Variants in PLEKHA6 observed in about 807,000 individuals in gnomAD.
The protein encoded by PLEKHA6 is pleckstrin homology domain containing A6.
Under a neutral mutation model 116.7 loss-of-function variants are expected in PLEKHA6, and 60 were observed. The ratio of observed to expected loss-of-function variants is 0.51; its 90% CI spans 0.42 to 0.64. The LOEUF is 0.64. Ranked by LOEUF, PLEKHA6 falls within the 30% of genes least tolerant of loss-of-function variation. PLEKHA6 has a pLI of 0.00. For synonymous variants in PLEKHA6, 489 were observed against 556.1 expected, an observed-to-expected ratio of 0.88 and a Z score of 1.70; for missense variants, 1,338 against 1,422.7, an observed-to-expected ratio of 0.94 and a Z score of 0.96.
At chr1:204,245,480 G>T (rs1402050479) in intron 14 of PLEKHA6, 135 bp downstream of exon 14, 4 of 623,358 alleles carry the variant, frequency 6.4e-6, no homozygotes, top group Non-Finnish European at 1.1e-5. Context: ...CCCAGGGGAA[G>T]ATTCTGGTGT....
At chr1:204,367,597 T>G (rs1042603977) in intron 3 of PLEKHA6, among the ~76,000 whole-genome samples, 3 of 152,068 alleles carry the variant, frequency 2.0e-5, no homozygotes, top group Admixed American at 6.5e-5. Flanking sequence ...CACTGGTTAC[T>G]GCCCAGGCCA....
chr1:204,348,714 A>ACCCCCCCCCCCTCTCC (rs3038282), intron 1 of PLEKHA6, among the ~76,000 whole-genome samples: 4 of 136,638 alleles, frequency 2.9e-5, no homozygotes, highest in African/African-American at 2.9e-5. Context: ...CAGGTGCCAA[A>ACCCCCCCCCCCTCTCC]CCCCCCCCCC....
intron 1 of PLEKHA6, among the ~76,000 whole-genome samples, chr1:204,332,356 G>A (rs4077065): frequency 0.88 from 134,378 of 152,176 alleles, 59,768 homozygotes; most frequent in East Asian, 0.95. Context: ...AAGCCAGGCA[G>A]GCAGGCATCA....
At chr1:204,370,051 A>G (rs1474614127) in intron 2 of PLEKHA6, among the ~76,000 whole-genome samples, 2 of 152,220 alleles carry the variant, frequency 1.3e-5, no homozygotes, top group Non-Finnish European at 2.9e-5. Context: ...CCCCTAGTGC[A>G]AGAGCACACT....
At chr1:204,242,661 T>C (rs1318825007) in intron 15 of PLEKHA6, among the ~76,000 whole-genome samples, 2 of 152,200 alleles carry the variant, frequency 1.3e-5, no homozygotes, top group Non-Finnish European at 2.9e-5. Context: ...TGTATCCTTA[T>C]ACTACAGGGA....
chr1:204,256,120 C>A (rs548503934), intron 9 of PLEKHA6, among the ~76,000 whole-genome samples: 2 of 152,180 alleles, frequency 1.3e-5, no homozygotes, highest in Non-Finnish European at 2.9e-5. Flanking sequence ...AGCCGCCTAG[C>A]CTCCAGCCTG....
intron 1 of PLEKHA6, among the ~76,000 whole-genome samples, chr1:204,376,995 AG>A (rs1673881599): frequency 6.6e-6 from 1 of 152,204 alleles, no homozygotes; most frequent in Non-Finnish European, 1.5e-5. Flanking sequence ...TATTACTGAG[AG>A]TAGCAAAGGC....
At chr1:204,304,353 A>C (rs1376633262) in intron 1 of PLEKHA6, among the ~76,000 whole-genome samples, 1 of 152,176 alleles carries the variant, frequency 6.6e-6, no homozygotes, top group Non-Finnish European at 1.5e-5. Flanking sequence ...ATGGAGAAAG[A>C]CTCAATATGT....
intron 9 of PLEKHA6, chr1:204,255,815 T>G (rs1362467900): frequency 3.1e-6 from 2 of 636,526 alleles, no homozygotes; most frequent in East Asian, 5.5e-5. Flanking sequence ...CCTCTGCCCT[T>G]GAGGAGTTCT....
chr1:204,260,832 G>A (rs1418603432), intron 7 of PLEKHA6, among the ~76,000 whole-genome samples: 2 of 152,176 alleles, frequency 1.3e-5, no homozygotes. Context: ...CTCTGTGTAG[G>A]CCTCACAACA....
At chr1:204,265,435 C>T (rs535057799) in intron 5 of PLEKHA6, among the ~76,000 whole-genome samples, 1 of 152,190 alleles carries the variant, frequency 6.6e-6, no homozygotes, top group Non-Finnish European at 1.5e-5. Context: ...TGAGGAGGTA[C>T]TATTATTACC....
intron 3 of PLEKHA6, among the ~76,000 whole-genome samples, chr1:204,269,268 G>A (rs1002697506): frequency 7.0e-6 from 1 of 143,224 alleles, no homozygotes; most frequent in Non-Finnish European, 1.5e-5. Flanking sequence ...AGCTCCTCCC[G>A]GTTTTCGTTA....
intron 3 of PLEKHA6, among the ~76,000 whole-genome samples, chr1:204,365,835 G>C (rs1673636884): frequency 6.6e-6 from 1 of 152,198 alleles, no homozygotes; most frequent in Non-Finnish European, 1.5e-5. Flanking sequence ...ACGTGTTTCA[G>C]GTAGTGCCAG....
intron 9 of PLEKHA6, among the ~76,000 whole-genome samples, chr1:204,253,100 A>G (rs1469647195): frequency 6.6e-6 from 1 of 152,214 alleles, no homozygotes; most frequent in East Asian, 1.9e-4. Context: ...CACACATGGT[A>G]AGGAGTGCTC....
chr1:204,279,344 T>C (rs1361055595), intron 1 of PLEKHA6, among the ~76,000 whole-genome samples: 2 of 152,220 alleles, frequency 1.3e-5, no homozygotes, highest in African/African-American at 2.4e-5. Context: ...GAATTAAGTC[T>C]GCACACAGAA....
At position 204,280,414 on chromosome 1, in the gene PLEKHA6, G is replaced by A. The variant is rs181769126; in HGVS notation, c.-94-5605C>T. On this transcript the variant is annotated intron_variant, in intron 1 of 22. Transcript: ENST00000272203. The stretch of plus-strand genomic sequence containing the variant: ...CCACTGTGATCAATATTGAACGACT[G>A]GAGAAATACTCCACTCCTTCCACCC... The A allele has an allele frequency of 3.7e-5, 36 of 985,328 alleles. No individual in the cohort carries two copies. In the African/African-American group the frequency reaches 5.6e-4, roughly 15 times the overall value. 61.0% of individuals were successfully genotyped at this position (985,328 alleles called of 1,614,324 possible). A position where few individuals can be genotyped will look rare whatever the true frequency, so the allele number is the denominator to read the frequency against.
intron 1 of PLEKHA6, among the ~76,000 whole-genome samples, chr1:204,321,471 C>T (rs1328342736): frequency 1.3e-5 from 2 of 151,640 alleles, no homozygotes; most frequent in Non-Finnish European, 2.9e-5. Context: ...TGTGCTCCAG[C>T]CTCTGACTCT....
intron 1 of PLEKHA6, among the ~76,000 whole-genome samples, chr1:204,294,810 A>T (rs543712269): frequency 2.0e-5 from 3 of 152,310 alleles, no homozygotes; most frequent in African/African-American, 7.2e-5. Flanking sequence ...AGTAAATAAG[A>T]TTATACCCAC....
rs761971136 is a variant in PLEKHA6 at position 204,259,555 on chromosome 1, T to C, written c.710A>G (p.Asn237Ser). ...EVKKEPPVKA[N>S]GLPAGPEPAS... ...TGGCTCCGGTCCAGCTGGGAGGCCA[T>C]TGGCTTTCACCGGAGGCTCTTTCTT... The change falls in exon 8 of 23, where the codon AAT becomes AGT. Residue 237 changes from asparagine to serine, a missense_variant. Around this residue, in one of 3 missense-constraint regions of PLEKHA6, gnomAD observed 1,136 missense variants for 1,163.6 expected, o/e 0.98. Transcript: ENST00000272203. This position sits in a 1 kb window ranked among gnomAD's most constrained non-coding sequence, Gnocchi z 4.6. 1.9e-5 allele frequency: 30 copies of C among 1,614,084 alleles called. No individual in the cohort carries two copies. Among genetic ancestry groups the C allele is most frequent in the Middle Eastern group, 1.6e-4 (1 of 6,062 alleles).
Sources: allele counts gnomAD v4.1 joint callset (sites outside exome capture counted in the v4.1 genomes callset), GRCh38; gene constraint gnomAD v4.1.1; regional missense constraint gnomAD v4.1.1; non-coding constraint Gnocchi (gnomAD v3.1); transcripts MANE v1.5; gene names NCBI Gene and HGNC (gene_info 2026-07-23, HGNC 2026-07-21).